Variants in SLC20A2 observed in about 807,000 individuals in gnomAD.
The protein encoded by SLC20A2 is sodium-dependent phosphate transporter 2.
Under a neutral mutation model 61.0 loss-of-function variants are expected in SLC20A2, and 30 were observed. The observed-to-expected ratio is 0.49, with a 90% CI of 0.37 to 0.67. The LOEUF (loss-of-function observed/expected upper bound fraction) is 0.67, where lower values mean the gene tolerates loss of function less well. SLC20A2 is among the 30% of genes least tolerant of loss of function. SLC20A2 has a pLI of 0.00. For missense variants in SLC20A2, 626 were observed against 866.4 expected, an observed-to-expected ratio of 0.72 and a Z score of 3.48; for synonymous variants, 351 against 353.3, an observed-to-expected ratio of 0.99 and a Z score of 0.07.
At chr8:42,428,548 A>G (rs886068989) in intron 10 of SLC20A2, among the ~76,000 whole-genome samples, 5 of 152,230 alleles carry the variant, frequency 3.3e-5, no homozygotes, top group African/African-American at 9.6e-5. Context: ...TGGAAAAGCC[A>G]GGTCTGAACG....
intron 1 of SLC20A2, chr8:42,480,473 T>C (rs903442365): frequency 2.0e-5 from 3 of 152,216 alleles, no homozygotes; most frequent in Non-Finnish European, 4.4e-5. Flanking sequence ...AATCTATTTA[T>C]GTTTTCAGCC....
intron 1 of SLC20A2, among the ~76,000 whole-genome samples, chr8:42,500,042 A>T (rs1810219853): frequency 6.6e-6 from 1 of 152,214 alleles, no homozygotes; most frequent in Admixed American, 6.5e-5. Flanking sequence ...ATCTTTTCAA[A>T]ATGGGAAAAT....
chr8:42,463,642 C>G (rs1247142557), intron 3 of SLC20A2, among the ~76,000 whole-genome samples: 1 of 152,098 alleles, frequency 6.6e-6, no homozygotes, highest in East Asian at 1.9e-4. Context: ...CCTGGCTGGA[C>G]CCCCAGAATT....
chr8:42,521,767 G>A (rs1336499290), intron 1 of SLC20A2, among the ~76,000 whole-genome samples: 1 of 121,528 alleles, frequency 8.2e-6, no homozygotes, highest in Non-Finnish European at 2.0e-5. Context: ...TGGGATTACA[G>A]GTGTGAACCA....
At chr8:42,456,558 C>T (rs1806211313) in intron 5 of SLC20A2, among the ~76,000 whole-genome samples, 1 of 152,004 alleles carries the variant, frequency 6.6e-6, no homozygotes, top group Admixed American at 6.6e-5. Context: ...TAGCAAAACC[C>T]CGTCTCTACT....
At chr8:42,492,706 T>G (rs78981908) in intron 1 of SLC20A2, among the ~76,000 whole-genome samples, 1 of 151,956 alleles carries the variant, frequency 6.6e-6, no homozygotes, top group Non-Finnish European at 1.5e-5. Context: ...TTTTTTTTTT[T>G]GAGACGGAGT....
intron 10 of SLC20A2, among the ~76,000 whole-genome samples, chr8:42,423,450 C>T (rs987977273): frequency 6.6e-6 from 1 of 151,970 alleles, no homozygotes; most frequent in Non-Finnish European, 1.5e-5. Flanking sequence ...CTCTGCCTCC[C>T]AAAGTGCTGG....
chr8:42,477,464 CTTTTTTTTT>C (rs56302974), intron 1 of SLC20A2, among the ~76,000 whole-genome samples: 34 of 50,296 alleles, frequency 6.8e-4, no homozygotes, highest in African/African-American at 2.4e-3. Flanking sequence ...GGGACAGGGA[CTTTTTTTTT>C]TTTTTTTTTT....
At chr8:42,501,712 C>T (rs1235705588), upstream of SLC20A2, among the ~76,000 whole-genome samples, 1 of 152,256 alleles carries the variant, frequency 6.6e-6, no homozygotes, top group Non-Finnish European at 1.5e-5. Flanking sequence ...TCCTCCTGCA[C>T]CTCCCAAGGA....
rs376525010 is a variant in SLC20A2 at position 42,518,296 on chromosome 8, G to C, written c.-265+23525C>G. ...TGTCCCTTCAATGTCCATTCACAGG[G>C]AAATGGTTGACTATATTATTTTACA... On this transcript the variant is annotated intron_variant, in intron 1 of 10. Coordinates refer to the SLC20A2 transcript ENST00000342228. 3.3e-5 allele frequency among the ~76,000 whole-genome samples: 5 copies of C among 152,232 alleles called. No individual in the cohort carries two copies. In the East Asian group the frequency reaches 7.7e-4, roughly 24 times the overall value.
chr8:42,472,169 G>A lies in SLC20A2; in HGVS notation c.222C>T (p.Ile74=), dbSNP rs756522817. The A allele has an allele frequency of 6.2e-7, 1 of 1,614,020 alleles. No homozygotes were observed. Among genetic ancestry groups the A allele is most frequent in the African/African-American group, 1.3e-5 (1 of 74,926 alleles). ...TCTCGTTGTACAGGTTCACGTCAATGATACCTTTGCGAATGGTTTCTCCTA... is the reference window on the plus strand; with the variant it reads ...TCTCGTTGTACAGGTTCACGTCAATAATACCTTTGCGAATGGTTTCTCCTA... ...AKVGETIRKG[I]IDVNLYNETV... The change falls in exon 2 of 11, where the codon ATC becomes ATT. Residue 74 remains isoleucine, a synonymous_variant. Transcript: ENST00000520262. This position sits in a 1 kb window ranked among gnomAD's most constrained non-coding sequence, Gnocchi z 4.1.
At chr8:42,483,399 T>C (rs1348805555) in intron 1 of SLC20A2, among the ~76,000 whole-genome samples, 1 of 152,116 alleles carries the variant, frequency 6.6e-6, no homozygotes, top group Non-Finnish European at 1.5e-5. Flanking sequence ...TTAACTGTAT[T>C]TGGATAGGAG....
At chr8:42,508,384 TCGGAGTCTCGCTCTGTTTGTTTTGAGA>T (rs965462441) in intron 1 of SLC20A2, among the ~76,000 whole-genome samples, 39 of 152,158 alleles carry the variant, frequency 2.6e-4, no homozygotes, top group African/African-American at 6.5e-4. Flanking sequence ...AGACGGAGTC[TCGGAGTCTCGCTCTGTTTGTTTTGAGA>T]CGGAGTCTCG....
intron 10 of SLC20A2, among the ~76,000 whole-genome samples, chr8:42,419,351 CCT>C (rs1385573417): frequency 6.6e-6 from 1 of 151,822 alleles, no homozygotes; most frequent in Non-Finnish European, 1.5e-5. Flanking sequence ...GGGTGGATCA[CCT>C]GAGGTCAGGA....
At chr8:42,423,422 C>T (rs1229238488) in intron 10 of SLC20A2, among the ~76,000 whole-genome samples, 1 of 151,738 alleles carries the variant, frequency 6.6e-6, no homozygotes, top group Non-Finnish European at 1.5e-5. Flanking sequence ...AACTTCTGGG[C>T]TCAAGCGATC....
At chr8:42,440,579 T>C (rs1427567031) in intron 6 of SLC20A2, among the ~76,000 whole-genome samples, 2 of 152,322 alleles carry the variant, frequency 1.3e-5, no homozygotes, top group East Asian at 1.9e-4. Context: ...GCTATAAACA[T>C]TCATGTGCAG....
intron 8 of SLC20A2, among the ~76,000 whole-genome samples, chr8:42,434,882 ATG>A (rs1312555965): frequency 6.6e-6 from 1 of 152,018 alleles, no homozygotes; most frequent in East Asian, 1.9e-4. Context: ...GCGTGAGTCC[ATG>A]TGTGAGTGTG....
chr8:42,421,697 G>A (rs1468312677), intron 10 of SLC20A2, among the ~76,000 whole-genome samples: 3 of 152,074 alleles, frequency 2.0e-5, no homozygotes, highest in East Asian at 1.9e-4. Context: ...CCAGCTACTC[G>A]GGAGGCTGAG....
chr8:42,525,742 T>C (rs1034394858), intron 1 of SLC20A2, among the ~76,000 whole-genome samples: 6 of 152,140 alleles, frequency 3.9e-5, no homozygotes, highest in East Asian at 1.9e-4. Context: ...GGTTAAATTA[T>C]AGTAGAGTAC....
Sources: allele counts gnomAD v4.1 joint callset (sites outside exome capture counted in the v4.1 genomes callset), GRCh38; gene constraint gnomAD v4.1.1; non-coding constraint Gnocchi (gnomAD v3.1); transcripts MANE v1.5; gene names NCBI Gene and HGNC (gene_info 2026-07-23, HGNC 2026-07-21).